CCSER1: variants seen among roughly 807,000 people sequenced by gnomAD.
CCSER1 encodes serine-rich coiled-coil domain-containing protein 1.
A neutral mutation model predicts 82.0 loss-of-function variants in CCSER1; 41 were observed. The observed-to-expected ratio is 0.50, with a 90% CI of 0.39 to 0.65. The LOEUF (loss-of-function observed/expected upper bound fraction) is 0.65. CCSER1 is among the 30% of genes least tolerant of loss of function. The pLI is 0.00. For synonymous variants in CCSER1, 414 were observed against 383.9 expected, an observed-to-expected ratio of 1.08 and a Z score of -0.92; for missense variants, 1,119 against 1,064.2, an observed-to-expected ratio of 1.05 and a Z score of -0.72.
chr4:90,851,420 T>C (rs1763868980), intron 8 of CCSER1, among the ~76,000 whole-genome samples: 1 of 142,926 alleles, frequency 7.0e-6, no homozygotes, highest in Non-Finnish European at 1.5e-5. Context: ...TGCCAATCAT[T>C]GTATTAATTC....
intron 10 of CCSER1, among the ~76,000 whole-genome samples, chr4:91,461,450 TAG>T (rs1172424612): frequency 2.0e-5 from 3 of 152,142 alleles, no homozygotes; most frequent in African/African-American, 7.2e-5. Flanking sequence ...TAGTTTAGTC[TAG>T]AGTGTGTAAA....
At chr4:91,376,199 T>C (rs1427003493) in intron 10 of CCSER1, among the ~76,000 whole-genome samples, 2 of 152,202 alleles carry the variant, frequency 1.3e-5, no homozygotes, top group African/African-American at 4.8e-5. Flanking sequence ...CAGTCGTGTG[T>C]CCCTTAATGA....
intron 6 of CCSER1, among the ~76,000 whole-genome samples, chr4:90,663,144 T>C (rs1407829719): frequency 1.3e-5 from 2 of 152,190 alleles, no homozygotes; most frequent in African/African-American, 2.4e-5. Flanking sequence ...AGTAAAATAA[T>C]GGTTTACTGT....
At chr4:90,937,930 T>C (rs1203641844) in intron 9 of CCSER1, among the ~76,000 whole-genome samples, 3 of 152,152 alleles carry the variant, frequency 2.0e-5, no homozygotes, top group African/African-American at 4.8e-5. Context: ...ATCTGTCCTA[T>C]TGATTATAAC....
chr4:90,162,126 A>C (rs1729569262), intron 1 of CCSER1, among the ~76,000 whole-genome samples: 1 of 152,104 alleles, frequency 6.6e-6, no homozygotes, highest in Admixed American at 6.6e-5. Context: ...ACAAAGTATG[A>C]ACCAGTTTCT....
chr4:90,759,452 A>G (rs2149513884), intron 7 of CCSER1, among the ~76,000 whole-genome samples: 1 of 152,370 alleles, frequency 6.6e-6, no homozygotes, highest in Admixed American at 6.5e-5. Flanking sequence ...TAGTCTCAGA[A>G]GCAAAATAGT....
At chr4:90,167,996 G>T (rs1730854506) in intron 1 of CCSER1, among the ~76,000 whole-genome samples, 1 of 152,084 alleles carries the variant, frequency 6.6e-6, no homozygotes, top group Non-Finnish European at 1.5e-5. Context: ...ACCCAGTAAT[G>T]GGATGGCTGG....
chr4:91,523,766 T>C (rs1490955494), intron 10 of CCSER1, among the ~76,000 whole-genome samples: 1 of 152,176 alleles, frequency 6.6e-6, no homozygotes, highest in Non-Finnish European at 1.5e-5. Context: ...TTCTCTCTTT[T>C]CTTCTTTATT....
intron 8 of CCSER1, among the ~76,000 whole-genome samples, chr4:90,855,381 A>G (rs1764343553): frequency 1.3e-5 from 2 of 152,176 alleles, no homozygotes; most frequent in African/African-American, 4.8e-5. Context: ...TTAGTTTTGG[A>G]ATAAGTCTAG....
intron 5 of CCSER1, among the ~76,000 whole-genome samples, chr4:90,581,425 C>T (rs562273834): frequency 5.5e-4 from 83 of 152,094 alleles, no homozygotes; most frequent in Admixed American, 2.8e-3. Flanking sequence ...CACTGTGAGA[C>T]GGAAAGGAAG....
intron 1 of CCSER1, among the ~76,000 whole-genome samples, chr4:90,128,128 C>T (rs959940774): frequency 6.6e-6 from 1 of 152,162 alleles, no homozygotes; most frequent in African/African-American, 2.4e-5. Context: ...CCGCGGCGGC[C>T]GCTCCAGGGC....
chr4:91,518,026 C>T (rs1475116410), intron 10 of CCSER1, among the ~76,000 whole-genome samples: 2 of 152,128 alleles, frequency 1.3e-5, no homozygotes, highest in Non-Finnish European at 2.9e-5. Context: ...TGTATTTCCT[C>T]ATGTTTGCAG....
chr4:90,793,043 A>G (rs1354008973), intron 7 of CCSER1, among the ~76,000 whole-genome samples: 1 of 152,208 alleles, frequency 6.6e-6, no homozygotes, highest in African/African-American at 2.4e-5. Context: ...AAATAAAAAC[A>G]AAACAAAACA....
chr4:90,953,904 A>G (rs1403010965), intron 9 of CCSER1, among the ~76,000 whole-genome samples: 1 of 48,596 alleles, frequency 2.1e-5, no homozygotes, highest in African/African-American at 5.0e-5. Context: ...CTTTTTAGCA[A>G]TAAGAGAAAA....
chr4:91,252,292 G>C (rs1180527316), intron 10 of CCSER1, among the ~76,000 whole-genome samples: 1 of 152,078 alleles, frequency 6.6e-6, no homozygotes, highest in African/African-American at 2.4e-5. Flanking sequence ...AACTGAGGGA[G>C]TTTCTTATCA....
intron 8 of CCSER1, chr4:90,839,114 T>C (rs1479809968): frequency 2.8e-6 from 3 of 1,054,580 alleles, no homozygotes; most frequent in African/African-American, 1.6e-5. Flanking sequence ...CACCGAGTTG[T>C]CGCCATAATA....
At chr4:90,590,576 G>T (rs1782567774) in intron 5 of CCSER1, among the ~76,000 whole-genome samples, 1 of 150,890 alleles carries the variant, frequency 6.6e-6, no homozygotes. Context: ...GTGAAACTTG[G>T]TCTCAAAAAA....
chr4:91,462,493 G>T (rs928175171), intron 10 of CCSER1, among the ~76,000 whole-genome samples: 5 of 152,184 alleles, frequency 3.3e-5, no homozygotes, highest in Middle Eastern at 3.4e-3. Context: ...TCTCACTGGG[G>T]TTTGTTGGAC....
At chr4:90,410,851 G>A (rs1014050486) in intron 4 of CCSER1, among the ~76,000 whole-genome samples, 3 of 152,030 alleles carry the variant, frequency 2.0e-5, no homozygotes, top group African/African-American at 7.2e-5. Flanking sequence ...TTTTTCGAAA[G>A]GATCAACAAA....
Sources: gnomAD v4.1 joint callset for allele counts (sites outside exome capture counted in the v4.1 genomes callset) on GRCh38, gnomAD v4.1.1 for gene constraint, MANE v1.5 for transcripts, NCBI Gene and HGNC (gene_info 2026-07-23, HGNC 2026-07-21) for gene names.